MANEAL: variants seen among roughly 807,000 people sequenced by gnomAD.
MANEAL encodes the protein mannosidase endo-alpha like.
A neutral mutation model predicts 35.9 loss-of-function variants in MANEAL; 28 were observed. The ratio of observed to expected loss-of-function variants is 0.78; its 90% CI spans 0.58 to 1.07. The LOEUF is 1.07. Ranked by LOEUF, MANEAL falls within the 50% of genes least tolerant of loss-of-function variation. The pLI is 0.00. For synonymous variants in MANEAL, 286 were observed against 272.2 expected (o/e 1.05, Z -0.50); for missense variants, 576 against 629.6 (o/e 0.91, Z 0.91).
chr1:37,798,146 C>T (rs1646660803), intron 3 of MANEAL, among the ~76,000 whole-genome samples: 1 of 150,748 alleles, frequency 6.6e-6, no homozygotes, highest in Non-Finnish European at 1.5e-5. Flanking sequence ...AAGATTCTGT[C>T]TCTTAAAAAA....
intron 3 of MANEAL, among the ~76,000 whole-genome samples, chr1:37,797,339 T>A (rs1021993230): frequency 6.6e-6 from 1 of 151,482 alleles, no homozygotes; most frequent in Middle Eastern, 3.2e-3. Context: ...AGGCGGAGGT[T>A]GCAGTGAGCC....
chr1:37,798,908 G>C (rs557754315), intron 3 of MANEAL, among the ~76,000 whole-genome samples: 2 of 151,788 alleles, frequency 1.3e-5, no homozygotes, highest in East Asian at 3.9e-4. Context: ...GTATGGTAGC[G>C]GGTGCCTGTA....
rs972444759 is a variant in MANEAL at position 37,799,335 on chromosome 1, C to T, written c.738-232C>T. ...CAGTTAGCTGGCTGTTGTTGCAATC[C>T]AGATGGAAGACGGTGGTGGCTTGGC... is the stretch of plus-strand genomic sequence containing the variant. On this transcript the variant is annotated intron_variant, in intron 3 of 3. Transcript: ENST00000373045. This position sits in a 1 kb window ranked among gnomAD's most constrained non-coding sequence, Gnocchi z 4.1. Among the ~76,000 whole-genome samples the T allele has an allele frequency of 3.3e-5, 5 of 152,134 alleles. No homozygotes were observed. The highest frequency in any genetic ancestry group is 6.5e-5 in the Admixed American group (1 of 15,274).
At chr1:37,796,360 C>G (rs900468148) in intron 2 of MANEAL, among the ~76,000 whole-genome samples, 9 of 152,232 alleles carry the variant, frequency 5.9e-5, no homozygotes, top group African/African-American at 2.2e-4. Flanking sequence ...GCCCCACTCC[C>G]CTATTCCTGA....
At position 37,794,350 on chromosome 1, in the gene MANEAL, G is replaced by A. The variant is rs1420863382; in HGVS notation, c.168G>A (p.Ala56=). The A allele has an allele frequency of 6.5e-6, 7 of 1,074,270 alleles. No homozygotes were observed. Among genetic ancestry groups the A allele is most frequent in the Admixed American group, 1.1e-4 (2 of 18,448 alleles). 66.5% of individuals were successfully genotyped at this position (1,074,270 alleles called of 1,614,324 possible). A position where few individuals can be genotyped will look rare whatever the true frequency, so the allele number is the denominator to read the frequency against. Residue 56 remains alanine (A), a synonymous_variant, in exon 1 of 4, where the codon GCG becomes GCA. Transcript: ENST00000373045. The surrounding 1 kb of genome is among the most constrained non-coding windows in gnomAD (Gnocchi z 5.7). ...AGCGACGCCCAGAGGGGGCCCCCGCGCCCGCTGCCAGGGCCCCGGCAGCCC... is the reference window on the plus strand; with the variant it reads ...AGCGACGCCCAGAGGGGGCCCCCGCACCCGCTGCCAGGGCCCCGGCAGCCC... ...PFERRPEGAP[A]PAARAPAAPA... is the part of the protein sequence containing the mutation.
rs547936459 is a variant in MANEAL at position 37,795,430 on chromosome 1, C to T, written c.551-307C>T. 4.5e-6 allele frequency: 5 copies of T among 1,101,758 alleles called. No individual in the cohort carries two copies. In the African/African-American group the frequency reaches 4.8e-5, roughly 11 times the overall value. 68.2% of individuals were successfully genotyped at this position (1,101,758 alleles called of 1,614,324 possible). ...CTCTTCTTCAGAGGTAGGCCTGTGG[C>T]TTCCAGGTGGGTGTGGCACTGTCCT... On this transcript the variant is annotated intron_variant, in intron 1 of 3. Coordinates refer to ENST00000373045, the MANE Select transcript of MANEAL (RefSeq NM_001113482.2).
At chr1:37,795,485 G>C (rs1646637693) in intron 1 of MANEAL, 1 of 1,323,004 alleles carries the variant, frequency 7.6e-7, no homozygotes, top group Non-Finnish European at 9.7e-7. Context: ...TACTTGCTGA[G>C]GCAGTCTAAA....
At chr1:37,796,616 G>A in intron 2 of MANEAL, 128 bp from the exon 3 acceptor site, 1 of 857,878 alleles carries the variant, frequency 1.2e-6, no homozygotes, top group Non-Finnish European at 1.8e-6. Flanking sequence ...TATCTCTACT[G>A]TGCCCACCAC....
At position 37,794,162 on chromosome 1, in the gene MANEAL, T is replaced by G; in HGVS notation, c.-21T>G. 1 of 1,183,834 alleles carries G rather than the reference T, an allele frequency of 8.4e-7. No individual in the cohort carries two copies. Among genetic ancestry groups the G allele is most frequent in the Non-Finnish European group, 1.1e-6 (1 of 951,724 alleles). 73.3% of individuals were successfully genotyped at this position (1,183,834 alleles called of 1,614,324 possible). On this transcript the variant is annotated 5_prime_UTR_variant, in exon 1 of 4. Transcript: ENST00000373045. The surrounding 1 kb of genome is among the most constrained non-coding windows in gnomAD (Gnocchi z 5.7). The stretch of plus-strand genomic sequence containing the variant: ...GCACGCTGGGAGGTAGCGCGGCGGC[T>G]GCAGGAGCGCACAGTCGGCCATGGC...
At chr1:37,798,059 G>A (rs1646660023) in intron 3 of MANEAL, among the ~76,000 whole-genome samples, 1 of 152,060 alleles carries the variant, frequency 6.6e-6, no homozygotes, top group Non-Finnish European at 1.5e-5. Context: ...GCAGAGGTGG[G>A]AGGATCACTT....
chr1:37,800,189 C>A lies in MANEAL; in HGVS notation c.1360C>A (p.Gln454Lys). The A allele has an allele frequency of 6.2e-7, 1 of 1,613,046 alleles. No homozygotes were observed. Among genetic ancestry groups the A allele is most frequent in the Non-Finnish European group, 8.5e-7 (1 of 1,179,914 alleles). The change falls in exon 4 of 4, where the codon CAG becomes AAG. Residue 454 changes from glutamine (Q) to lysine (K), a missense_variant. By Grantham distance (53) the Gln-to-Lys change is moderately conservative. Coordinates refer to ENST00000373045, the MANE Select transcript of MANEAL (RefSeq NM_001113482.2). ...GGAGCACTTCATCAAAGAGAAGGAG[C>A]AGTGGCTCATGTGAGGGGCCTGTAA... is the stretch of plus-strand genomic sequence containing the variant. The part of the protein sequence containing the change: ...WAEHFIKEKE[Q>K]WLM
In MANEAL at chr1:37,794,776, C is replaced by A; in HGVS notation, c.550+44C>A. The A allele has an allele frequency of 7.9e-7, 1 of 1,267,684 alleles. No individual in the cohort carries two copies. The highest frequency in any genetic ancestry group is 1.1e-6 in the Non-Finnish European group (1 of 909,848). The allele number at this position is 1,267,684 out of a possible 1,614,324, so 78.5% of individuals were successfully genotyped here. A position where few individuals can be genotyped will look rare whatever the true frequency, so the allele number is the denominator to read the frequency against. ...GGGCGGCCCTGCCCCCCAGCCTCACCCTTCCTCCTTCCCACACCCCAGCTC... is the reference window on the plus strand; with the variant it reads ...GGGCGGCCCTGCCCCCCAGCCTCACACTTCCTCCTTCCCACACCCCAGCTC... On this transcript the variant is annotated intron_variant, in intron 1 of 3. Transcript: ENST00000373045. This position sits in a 1 kb window ranked among gnomAD's most constrained non-coding sequence, Gnocchi z 5.7.
intron 1 of MANEAL, 120 bp from the exon 2 acceptor site, chr1:37,795,617 A>G (rs1646639029): frequency 2.6e-6 from 4 of 1,536,596 alleles, no homozygotes; most frequent in Middle Eastern, 3.5e-4. Context: ...TGAACCTGGC[A>G]GGAGGCTTGC....
chr1:37,800,411 G>A lies in MANEAL; in HGVS notation c.*208G>A, dbSNP rs551171755. ...GGTGCTGAGGTGCTCTGTGGTGATG[G>A]GAACGGCAGAGGCTGGCAGGTGACT... On this transcript the variant is annotated 3_prime_UTR_variant, in exon 4 of 4. Coordinates refer to ENST00000373045, the MANE Select transcript of MANEAL (RefSeq NM_001113482.2). 3.2e-6 allele frequency: 2 copies of A among 623,298 alleles called. No individual in the cohort carries two copies. The highest frequency in any genetic ancestry group is 2.0e-5 in the South Asian group (1 of 49,170). 38.6% of individuals were successfully genotyped at this position (623,298 alleles called of 1,614,324 possible). A position where few individuals can be genotyped will look rare whatever the true frequency, so the allele number is the denominator to read the frequency against.
At position 37,800,819 on chromosome 1, in the gene MANEAL, A is replaced by C. The variant is rs1646692055; in HGVS notation, c.*616A>C. 2 of 153,010 alleles carry C rather than the reference A, an allele frequency of 1.3e-5. No individual in the cohort carries two copies. The highest frequency in any genetic ancestry group is 4.1e-4 in the South Asian group (2 of 4,850). The allele number at this position is 153,010 out of a possible 1,614,324, so 9.5% of individuals were successfully genotyped here. A position where few individuals can be genotyped will look rare whatever the true frequency, so the allele number is the denominator to read the frequency against. On this transcript the variant is annotated 3_prime_UTR_variant, in exon 4 of 4. Coordinates refer to ENST00000373045, the MANE Select transcript of MANEAL (RefSeq NM_001113482.2). The stretch of plus-strand genomic sequence containing the variant: ...CTAGGTGCTGGGGAAAACTTGACCA[A>C]GGAAGAGTTCCTGTCCTGAAGCTTC...
Position 37,794,632 on chromosome 1 carries a change from C to A in MANEAL, c.450C>A (p.Asp150Glu). 2 of 1,611,136 alleles carry A rather than the reference C, an allele frequency of 1.2e-6. No homozygotes were observed. The highest frequency in any genetic ancestry group is 2.2e-5 in the South Asian group (2 of 90,936). Residue 150 changes from aspartate to glutamate, a missense_variant, in exon 1 of 4, where the codon GAC becomes GAA. Physicochemically the swap from Asp to Glu is conservative, Grantham distance 45. Transcript: ENST00000373045. This position sits in a 1 kb window ranked among gnomAD's most constrained non-coding sequence, Gnocchi z 5.7. ...CCCGCGGCCGCCACAGCCCCCCAGA[C>A]GACTTGGGCTCCAGCTTCTACCCGG... is the stretch of plus-strand genomic sequence containing the variant. The part of the protein sequence containing the change: ...SYPRGRHSPP[D>E]DLGSSFYPEL...
In MANEAL at chr1:37,800,153, C is replaced by T. The variant is rs750855680; in HGVS notation, c.1324C>T (p.Arg442Cys). The T allele has an allele frequency of 5.0e-6, 8 of 1,613,984 alleles. No individual in the cohort carries two copies. Among genetic ancestry groups the T allele is most frequent in the African/African-American group, 1.3e-5 (1 of 75,066 alleles). Residue 442 changes from arginine (R) to cysteine (C), a missense_variant, in exon 4 of 4, where the codon CGC becomes TGC. By Grantham distance (180) the Arg-to-Cys change is radical (BLOSUM62 -3). This residue lies in a region of MANEAL where 449 missense variants were observed against 516.1 expected (regional missense o/e 0.87). Coordinates refer to ENST00000373045, the MANE Select transcript of MANEAL (RefSeq NM_001113482.2). ...HQPSLYLELT[R>C]RWAEHFIKEK... ...GCCCAGCCTGTACCTGGAGCTGACA[C>T]GCCGCTGGGCGGAGCACTTCATCAA...
intron 3 of MANEAL, among the ~76,000 whole-genome samples, chr1:37,797,479 T>C (rs1646655051): frequency 6.7e-6 from 1 of 148,232 alleles, no homozygotes; most frequent in South Asian, 2.1e-4. Flanking sequence ...TTTTTTTTTT[T>C]TCTTTTTTTG....
intron 3 of MANEAL, among the ~76,000 whole-genome samples, chr1:37,797,464 C>CTTT (rs79029579): frequency 3.4e-5 from 4 of 116,994 alleles, no homozygotes; most frequent in Non-Finnish European, 7.7e-5. Flanking sequence ...AATGCCAGTG[C>CTTT]TTTTTTTTTT....
Sources: allele counts gnomAD v4.1 joint callset (sites outside exome capture counted in the v4.1 genomes callset), GRCh38; gene constraint gnomAD v4.1.1; regional missense constraint gnomAD v4.1.1; non-coding constraint Gnocchi (gnomAD v3.1); transcripts MANE v1.5; gene names NCBI Gene and HGNC (gene_info 2026-07-23, HGNC 2026-07-21).